NBPF20: variants seen among roughly 807,000 people sequenced by gnomAD.
NBPF20 encodes the protein NBPF member 20.
A neutral mutation model predicts 68.1 loss-of-function variants in NBPF20; 90 were observed. The ratio of observed to expected loss-of-function variants is 1.32; its 90% CI spans 1.11 to 1.58. The LOEUF (loss-of-function observed/expected upper bound fraction) is 1.58. Among genes scored for constraint, NBPF20 ranks in the 40% most tolerant of loss-of-function variants. The pLI, the probability that NBPF20 is intolerant of heterozygous loss-of-function variation, is 0.00. For missense variants in NBPF20, 816 were observed against 601.2 expected (o/e 1.36, Z -3.74); for synonymous variants, 290 against 228.1 (o/e 1.27, Z -2.45).
intron 7 of NBPF20, among the ~76,000 whole-genome samples, chr1:145,397,489 T>A (rs1662309548): frequency 6.6e-6 from 1 of 152,188 alleles, no homozygotes; most frequent in East Asian, 1.9e-4. Flanking sequence ...CAAACAAAGC[T>A]TCATAAGTGA....
At chr1:145,408,816 G>A (rs1312888147), upstream of NBPF20, among the ~76,000 whole-genome samples, 1 of 152,000 alleles carries the variant, frequency 6.6e-6, no homozygotes, top group Non-Finnish European at 1.5e-5. Flanking sequence ...TGTTAAGCAT[G>A]TAATGATTCT....
chr1:145,400,738 C>A (rs518466), intron 5 of NBPF20, 144 bp from the exon 11 acceptor site: 38 of 1,353,524 alleles, frequency 2.8e-5, no homozygotes, highest in Middle Eastern at 2.5e-4. Flanking sequence ...GGGGAACATG[C>A]AATCCTGTTC....
chr1:145,419,732 C>T, the NBPF20 span, among the ~76,000 whole-genome samples: 21 of 152,090 alleles, frequency 1.4e-4, no homozygotes, highest in African/African-American at 4.6e-4. Context: ...CCTCTCAATG[C>T]CTGCAGTGGT....
Position 145,393,592 on chromosome 1 carries a change from A to T in NBPF20, c.1043+292T>A, listed in dbSNP as rs1662050362. 18 of 653,102 alleles carry T rather than the reference A, an allele frequency of 2.8e-5. 1 individual carries two copies. The highest frequency in any genetic ancestry group is 2.7e-4 in the South Asian group (14 of 51,922). The allele number at this position is 653,102 out of a possible 1,614,324, so 40.5% of individuals were successfully genotyped here. On this transcript the variant is annotated intron_variant, in intron 9 of 137. Coordinates refer to ENST00000369373, the Ensembl canonical transcript of NBPF20. ...ACACACTGTGAACAGTGATCATGAA[A>T]AGCATGTCCTCAATAATTTTGCATA...
At chr1:145,417,322 C>G in the NBPF20 span, among the ~76,000 whole-genome samples, 1 of 150,152 alleles carries the variant, frequency 6.7e-6, no homozygotes, top group Admixed American at 6.6e-5. Flanking sequence ...TAAAATAAAT[C>G]TTACACGTAA....
the NBPF20 span, among the ~76,000 whole-genome samples, chr1:145,412,210 G>A: frequency 1.3e-5 from 2 of 151,852 alleles, 1 homozygote; most frequent in Non-Finnish European, 2.9e-5. Context: ...ACCTCCAAAT[G>A]TTCCTCTGGC....
At chr1:145,291,713 T>A in exon 138 of NBPF20, 2 of 1,611,888 alleles carry the variant, frequency 1.2e-6, no homozygotes, top group South Asian at 1.1e-5. Flanking sequence ...ATAACATCCA[T>A]CCAGTGAGTC....
chr1:145,390,064 G>A, exon 14 of NBPF20: 1 of 68,410 alleles, frequency 1.5e-5, no homozygotes, highest in Non-Finnish European at 2.3e-5. Flanking sequence ...CATCTATCCA[G>A]TGAGTCCTGC....
the NBPF20 span, among the ~76,000 whole-genome samples, chr1:145,416,014 C>G: frequency 1.3e-5 from 2 of 149,626 alleles, no homozygotes; most frequent in Admixed American, 1.3e-4. Context: ...GCCTGTAATC[C>G]CAGCTATTCA....
Position 145,395,742 on chromosome 1 carries a change from A to G in NBPF20, c.828-601T>C, listed in dbSNP as rs1662203936. 2.0e-5 allele frequency among the ~76,000 whole-genome samples: 3 copies of G among 148,800 alleles called. No individual in the cohort carries two copies. In the South Asian group the frequency reaches 6.3e-4, roughly 31 times the overall value. On this transcript the variant is annotated intron_variant, in intron 7 of 137. Coordinates refer to ENST00000369373, the Ensembl canonical transcript of NBPF20. ...GAGTGGACTTCCAGCAAACTCCAAC[A>G]GACCTGAAGCTGAGGGACCTGACTG...
At chr1:145,397,664 A>C (rs1261554058) in intron 7 of NBPF20, among the ~76,000 whole-genome samples, 1 of 152,236 alleles carries the variant, frequency 6.6e-6, no homozygotes, top group African/African-American at 2.4e-5. Flanking sequence ...CGCTAGGAAG[A>C]AACTGCATCA....
At chr1:145,422,884 G>A in the NBPF20 span, among the ~76,000 whole-genome samples, 51 of 149,772 alleles carry the variant, frequency 3.4e-4, 1 homozygote, top group African/African-American at 1.2e-3. Flanking sequence ...AGCTACTCAG[G>A]AGGCTGAGGT....
At chr1:145,410,601 C>T in the NBPF20 span, among the ~76,000 whole-genome samples, 1 of 151,036 alleles carries the variant, frequency 6.6e-6, no homozygotes, top group Non-Finnish European at 1.5e-5. Flanking sequence ...GCGTGAGCCA[C>T]CGCGCCCGGC....
intron 7 of NBPF20, among the ~76,000 whole-genome samples, chr1:145,398,753 A>G (rs578870): frequency 3.3e-5 from 5 of 151,906 alleles, no homozygotes; most frequent in Admixed American, 6.6e-5. Flanking sequence ...AGATAGAGAC[A>G]CAAAAAACCC....
chr1:145,290,103 A>C (rs1660968226), exon 138 of NBPF20: 1 of 149,572 alleles, frequency 6.7e-6, no homozygotes, highest in Non-Finnish European at 1.5e-5. Flanking sequence ...AACAGCAGAC[A>C]CTAGTAAAAA....
At chr1:145,346,275 TC>T in intron 69 of NBPF20, 46 bp downstream of exon 74, 1 of 97,444 alleles carries the variant, frequency 1.0e-5, no homozygotes, top group Non-Finnish European at 1.7e-5. Flanking sequence ...ATCTGTTGCC[TC>T]CAGGTGTTAA....
At chr1:145,292,220 T>C (rs185323796) in intron 137 of NBPF20, among the ~76,000 whole-genome samples, 161 bp downstream of exon 142, 1 of 149,132 alleles carries the variant, frequency 6.7e-6, no homozygotes, top group East Asian at 1.9e-4. Flanking sequence ...GAGGAAGAAA[T>C]GGAAACCTAA....
the NBPF20 span, among the ~76,000 whole-genome samples, chr1:145,417,540 G>T: frequency 4.2e-5 from 6 of 141,610 alleles, no homozygotes; most frequent in African/African-American, 1.0e-4. Context: ...CACAGACTGG[G>T]AGAAAATATT....
chr1:145,419,765 G>A, the NBPF20 span, among the ~76,000 whole-genome samples: 1 of 152,160 alleles, frequency 6.6e-6, no homozygotes, highest in Non-Finnish European at 1.5e-5. Flanking sequence ...GTAGTGACCT[G>A]AGATTTACTC....
Sources: gnomAD v4.1 joint callset for allele counts (sites outside exome capture counted in the v4.1 genomes callset) on GRCh38, gnomAD v4.1.1 for gene constraint, MANE v1.5 for transcripts, NCBI Gene and HGNC (gene_info 2026-07-23, HGNC 2026-07-21) for gene names.